Variants in AEBP2 observed in about 807,000 individuals in gnomAD.
The protein encoded by AEBP2 is AE binding protein 2.
In AEBP2, 10 loss-of-function variants were observed where a neutral mutation model predicts 50.8. That is an observed-to-expected ratio of 0.20 (90% CI 0.12 to 0.33). The LOEUF (loss-of-function observed/expected upper bound fraction) is 0.33, where lower values mean the gene tolerates loss of function less well. AEBP2 is among the 10% of genes least tolerant of loss of function. AEBP2 has a pLI of 1.00. For synonymous variants in AEBP2, 296 were observed against 261.3 expected, an observed-to-expected ratio of 1.13 and a Z score of -1.28; for missense variants, 570 against 688.0, an observed-to-expected ratio of 0.83 and a Z score of 1.92.
chr12:19,420,857 C>T (rs1737265371), intron 1 of AEBP2, among the ~76,000 whole-genome samples: 1 of 152,036 alleles, frequency 6.6e-6, no homozygotes, highest in South Asian at 2.1e-4. Flanking sequence ...TCTCCATCAC[C>T]CCACCCCACA....
Position 19,440,115 on chromosome 12 carries a change from C to G in AEBP2, c.416C>G (p.Ser139Trp), listed in dbSNP as rs1425787225. Residue 139 changes from serine (S) to tryptophan (W), a missense_variant, in exon 1 of 8, where the codon TCG (serine) becomes TGG (tryptophan). Physicochemically the swap from Ser to Trp is radical, Grantham distance 177. This residue lies in a region of AEBP2 where 386 missense variants were observed against 336.8 expected (regional missense o/e 1.15). Coordinates refer to ENST00000266508, the MANE Select transcript of AEBP2 (RefSeq NM_153207.5). ...SGGSSSDETR[S>W]LSPGAASSSS... Reference sequence around the variant, plus strand: ...GGGAGCAGCAGCGACGAGACCCGCTCGTTGAGCCCCGGCGCCGCCAGCAGC... The same window carrying G: ...GGGAGCAGCAGCGACGAGACCCGCTGGTTGAGCCCCGGCGCCGCCAGCAGC... 1 of 1,503,774 alleles carries G rather than the reference C, an allele frequency of 6.6e-7. No individual in the cohort carries two copies. The highest frequency in any genetic ancestry group is 8.8e-7 in the Non-Finnish European group (1 of 1,132,676). The allele number at this position is 1,503,774 out of a possible 1,614,324, so 93.2% of individuals were successfully genotyped here.
chr12:19,495,581 G>C (rs1948966513), intron 4 of AEBP2, among the ~76,000 whole-genome samples: 1 of 140,092 alleles, frequency 7.1e-6, no homozygotes, highest in South Asian at 2.2e-4. Flanking sequence ...TCTTACTCTT[G>C]CCCAGGCTGG....
chr12:19,453,291 G>GT (rs1356154618), intron 1 of AEBP2, among the ~76,000 whole-genome samples: 10 of 151,750 alleles, frequency 6.6e-5, no homozygotes, highest in African/African-American at 1.9e-4. Flanking sequence ...TTTCTTAAAA[G>GT]TTTTTTTGTA....
chr12:19,481,127 G>T, intron 3 of AEBP2, among the ~76,000 whole-genome samples: 1 of 106,950 alleles, frequency 9.4e-6, no homozygotes, highest in Non-Finnish European at 1.7e-5. Flanking sequence ...TTGAGACCGA[G>T]TCTCACTCTG....
At chr12:19,456,851 A>G in intron 1 of AEBP2, 4 of 1,535,932 alleles carry the variant, frequency 2.6e-6, no homozygotes, top group Non-Finnish European at 3.6e-6. Context: ...CAACAGGAAC[A>G]GTACCAATAC....
rs1197576760 is a variant in AEBP2 at position 19,439,885 on chromosome 12, C to T, written c.186C>T (p.Gly62=). The change falls in exon 1 of 8, where the codon GGC becomes GGT. Residue 62 remains glycine, a synonymous_variant. Transcript: ENST00000266508. ...EAVAALLLNG[G]SGGGGGGGGG... ...TGGCGGCGCTGCTGCTGAACGGCGGCAGCGGTGGGGGCGGCGGAGGCGGCG... is the reference window on the plus strand; with the variant it reads ...TGGCGGCGCTGCTGCTGAACGGCGGTAGCGGTGGGGGCGGCGGAGGCGGCG... 7 of 1,481,218 alleles carry T rather than the reference C, an allele frequency of 4.7e-6. No individual in the cohort carries two copies. Among genetic ancestry groups the T allele is most frequent in the African/African-American group, 3.0e-5 (2 of 67,630 alleles). 91.8% of individuals were successfully genotyped at this position (1,481,218 alleles called of 1,614,324 possible).
At chr12:19,411,788 A>C (rs12230494) in intron 1 of AEBP2, among the ~76,000 whole-genome samples, 4,224 of 152,326 alleles carry the variant, frequency 0.028, 60 homozygotes, top group East Asian at 0.045. Flanking sequence ...AGCAACTATA[A>C]GACAGAAAGA....
chr12:19,490,639 T>C (rs1948883484), intron 3 of AEBP2, among the ~76,000 whole-genome samples: 1 of 152,136 alleles, frequency 6.6e-6, no homozygotes, highest in African/African-American at 2.4e-5. Flanking sequence ...CTAATTTTTG[T>C]ATTTTTATTA....
intron 1 of AEBP2, among the ~76,000 whole-genome samples, chr12:19,446,806 A>G (rs748296556): frequency 7.2e-5 from 11 of 151,974 alleles, no homozygotes; most frequent in Non-Finnish European, 1.2e-4. Flanking sequence ...ACATGCCTCA[A>G]TTCCTAGCTA....
chr12:19,427,305 G>T (rs1329268299), intron 1 of AEBP2, among the ~76,000 whole-genome samples: 1 of 151,192 alleles, frequency 6.6e-6, no homozygotes, highest in African/African-American at 2.4e-5. Context: ...TCTTGAACCC[G>T]GGAGGCAGAG....
intron 5 of AEBP2, among the ~76,000 whole-genome samples, chr12:19,501,797 G>GTTTTTTGTTTTT (rs1555187205): frequency 6.6e-4 from 47 of 70,906 alleles, no homozygotes; most frequent in East Asian, 1.5e-3. Context: ...AAATGAGTTT[G>GTTTTTTGTTTTT]TTTTTTTTTT....
intron 2 of AEBP2, among the ~76,000 whole-genome samples, chr12:19,469,351 C>G (rs1948537017): frequency 6.6e-6 from 1 of 152,186 alleles, no homozygotes; most frequent in African/African-American, 2.4e-5. Context: ...CCAGTTGTTT[C>G]ATTGGCTGGT....
intron 5 of AEBP2, among the ~76,000 whole-genome samples, chr12:19,511,533 G>A (rs1260985642): frequency 1.3e-5 from 2 of 152,180 alleles, no homozygotes; most frequent in African/African-American, 4.8e-5. Flanking sequence ...AGTTTGTCAG[G>A]AAAGTGATGC....
chr12:19,430,026 G>GT (rs1160431664), intron 1 of AEBP2, among the ~76,000 whole-genome samples: 3 of 151,992 alleles, frequency 2.0e-5, no homozygotes, highest in Non-Finnish European at 4.4e-5. Flanking sequence ...ATTGCTTTTG[G>GT]TGTTTTAGAC....
intron 1 of AEBP2, among the ~76,000 whole-genome samples, chr12:19,413,902 G>GTTTTTT (rs113571276): frequency 7.0e-6 from 1 of 143,470 alleles, no homozygotes; most frequent in Admixed American, 7.0e-5. Flanking sequence ...TTTGTTTTTT[G>GTTTTTT]TTTTTTTTTT....
intron 1 of AEBP2, among the ~76,000 whole-genome samples, chr12:19,417,115 G>A (rs1222380505): frequency 6.6e-6 from 1 of 151,804 alleles, no homozygotes; most frequent in East Asian, 1.9e-4. Context: ...TCATGATCCG[G>A]CCCACCTCAG....
At chr12:19,440,427 C>A in intron 1 of AEBP2, 57 bp downstream of exon 1, 1 of 1,449,210 alleles carries the variant, frequency 6.9e-7, no homozygotes, top group East Asian at 2.4e-5. Flanking sequence ...CCGGGCCCCT[C>A]AGAGGGGGAC....
intron 3 of AEBP2, among the ~76,000 whole-genome samples, chr12:19,476,590 C>T (rs1948652240): frequency 6.6e-6 from 1 of 152,182 alleles, no homozygotes; most frequent in African/African-American, 2.4e-5. Context: ...GATCCGCCCG[C>T]CTTAGCCTCC....
chr12:19,409,923 T>C (rs2095738379), intron 1 of AEBP2, among the ~76,000 whole-genome samples: 1 of 152,196 alleles, frequency 6.6e-6, no homozygotes, highest in Admixed American at 6.6e-5. Flanking sequence ...ATGCAAACTC[T>C]CTGAATCATA....
Sources: allele counts gnomAD v4.1 joint callset (sites outside exome capture counted in the v4.1 genomes callset), GRCh38; gene constraint gnomAD v4.1.1; regional missense constraint gnomAD v4.1.1; transcripts MANE v1.5; gene names NCBI Gene and HGNC (gene_info 2026-07-23, HGNC 2026-07-21).